Variants in GALNT17 observed in about 807,000 individuals in gnomAD.
GALNT17 encodes UDP-GalNAc:polypeptide N-acetylgalactosaminyltransferase-like 3.
A neutral mutation model predicts 63.7 loss-of-function variants in GALNT17; 29 were observed. The observed-to-expected ratio is 0.46, with a 90% CI of 0.34 to 0.62. The LOEUF (loss-of-function observed/expected upper bound fraction) is 0.62. Ranked by LOEUF, GALNT17 falls within the 20% of genes least tolerant of loss-of-function variation. The probability of loss-of-function intolerance (pLI) is 0.01; values close to 1 mark genes in which losing one functional copy is unlikely to be tolerated. For missense variants in GALNT17, 603 were observed against 799.6 expected (o/e 0.75, Z 2.97); for synonymous variants, 305 against 318.3 (o/e 0.96, Z 0.45).
intron 2 of GALNT17, among the ~76,000 whole-genome samples, chr7:71,384,498 C>T (rs994704391): frequency 6.6e-6 from 1 of 152,166 alleles, no homozygotes; most frequent in Non-Finnish European, 1.5e-5. Flanking sequence ...CCACAGTTTC[C>T]GTCCCATGTT....
intron 1 of GALNT17, among the ~76,000 whole-genome samples, chr7:71,296,629 CTATA>C (rs10565164): frequency 6.7e-6 from 1 of 148,340 alleles, no homozygotes; most frequent in African/African-American, 2.5e-5. Flanking sequence ...AAAAAAACAA[CTATA>C]TATATATATG....
intron 5 of GALNT17, among the ~76,000 whole-genome samples, chr7:71,438,462 G>T (rs1326951357): frequency 6.6e-6 from 1 of 152,074 alleles, no homozygotes; most frequent in Non-Finnish European, 1.5e-5. Flanking sequence ...GCAACACCTT[G>T]GCAGACACAC....
intron 9 of GALNT17, among the ~76,000 whole-genome samples, chr7:71,678,292 A>G (rs1253624680): frequency 1.1e-4 from 17 of 151,118 alleles, no homozygotes; most frequent in Admixed American, 4.0e-4. Context: ...GCCCCAGCTA[A>G]TTTTTGTATT....
At chr7:71,665,620 A>G in intron 7 of GALNT17, 24 bp downstream of exon 7, 1 of 1,609,082 alleles carries the variant, frequency 6.2e-7, no homozygotes. Flanking sequence ...GCCTTTCCCC[A>G]CCACCCCAGT....
At chr7:71,244,096 A>C (rs1484494139) in intron 1 of GALNT17, among the ~76,000 whole-genome samples, 1 of 152,310 alleles carries the variant, frequency 6.6e-6, no homozygotes, top group East Asian at 1.9e-4. Context: ...TTAGCAGTTA[A>C]GAAGAGAGTG....
chr7:71,619,852 A>G (rs1790266910), intron 6 of GALNT17, among the ~76,000 whole-genome samples: 1 of 152,078 alleles, frequency 6.6e-6, no homozygotes, highest in East Asian at 1.9e-4. Context: ...GAGAGTGGGT[A>G]TCCTTGTCTT....
intron 2 of GALNT17, among the ~76,000 whole-genome samples, chr7:71,370,921 T>C (rs566957305): frequency 6.6e-6 from 1 of 152,326 alleles, no homozygotes; most frequent in East Asian, 1.9e-4. Flanking sequence ...TTATGTTTCT[T>C]ATACAAGCAT....
At chr7:71,223,046 C>G (rs1789615839) in intron 1 of GALNT17, among the ~76,000 whole-genome samples, 1 of 152,158 alleles carries the variant, frequency 6.6e-6, no homozygotes, top group Admixed American at 6.5e-5. Flanking sequence ...GCACTCCAGC[C>G]TGGGCAACAG....
chr7:71,328,459 CGACTGAGCAAGGG>C (rs1393927551), intron 1 of GALNT17, among the ~76,000 whole-genome samples: 1 of 152,058 alleles, frequency 6.6e-6, no homozygotes, highest in African/African-American at 2.4e-5. Flanking sequence ...CTGCCTCTGA[CGACTGAGCAAGGG>C]GCACTTGCAG....
chr7:71,469,445 C>T (rs948400105), intron 5 of GALNT17, among the ~76,000 whole-genome samples: 1 of 152,160 alleles, frequency 6.6e-6, no homozygotes, highest in African/African-American at 2.4e-5. Context: ...ACCGGGCAAC[C>T]CCTGAACCAG....
Position 71,595,243 on chromosome 7 carries a change from A to G in GALNT17, c.1080+23841A>G, listed in dbSNP as rs1789868035. ...TCAAGACCAGCCTGGACGACAAGGC[A>G]AGACCCTGTCCATACAAAAAATAAA... On this transcript the variant is annotated intron_variant, in intron 6 of 10. Coordinates refer to ENST00000333538, the MANE Select transcript of GALNT17 (RefSeq NM_022479.3). Among the ~76,000 whole-genome samples the G allele has an allele frequency of 1.3e-5, 2 of 152,152 alleles. 1 individual carries two copies. The highest frequency in any genetic ancestry group is 1.3e-4 in the Admixed American group (2 of 15,274).
intron 5 of GALNT17, among the ~76,000 whole-genome samples, chr7:71,442,623 A>G (rs1787088403): frequency 6.6e-6 from 1 of 152,200 alleles, no homozygotes; most frequent in South Asian, 2.1e-4. Context: ...AGCTTCTGCT[A>G]CCAGGCACGC....
intron 10 of GALNT17, 42 bp from the exon 11 acceptor site, chr7:71,711,976 C>T (rs556233198): frequency 1.2e-6 from 2 of 1,604,864 alleles, no homozygotes; most frequent in East Asian, 2.2e-5. Context: ...TCTCTCTCTC[C>T]TCTCTCTCTT....
At chr7:71,509,247 A>G (rs1048194804) in intron 5 of GALNT17, among the ~76,000 whole-genome samples, 4 of 152,214 alleles carry the variant, frequency 2.6e-5, no homozygotes, top group African/African-American at 9.6e-5. Flanking sequence ...ACAGCCGGCT[A>G]ATGTAAGTGT....
chr7:71,250,638 G>A (rs867252661), intron 1 of GALNT17, among the ~76,000 whole-genome samples: 22 of 152,060 alleles, frequency 1.4e-4, no homozygotes, highest in African/African-American at 5.1e-4. Context: ...CTCGAACAAG[G>A]TTTTCACGTA....
At chr7:71,679,725 T>G (rs1791209353) in intron 9 of GALNT17, among the ~76,000 whole-genome samples, 1 of 151,994 alleles carries the variant, frequency 6.6e-6, no homozygotes, top group Middle Eastern at 3.4e-3. Context: ...TAAGGAGGCC[T>G]GCACCAAGAC....
intron 6 of GALNT17, among the ~76,000 whole-genome samples, chr7:71,641,210 T>C (rs560100459): frequency 1.3e-5 from 2 of 152,314 alleles, no homozygotes; most frequent in Admixed American, 6.5e-5. Flanking sequence ...AAAGTCTTCT[T>C]ACACTTCTTG....
rs190289053 is a variant in GALNT17, at chr7:71,472,663, G to A, written c.962+51558G>A. ...ATCGTGTCACTGCCCTCCAGCCTGG[G>A]GACAGAGTGAGACTTTGTCTCAAAA... On this transcript the variant is annotated intron_variant, in intron 5 of 10. Coordinates refer to ENST00000333538, the MANE Select transcript of GALNT17 (RefSeq NM_022479.3). Among the ~76,000 whole-genome samples the A allele has an allele frequency of 1.2e-3, 177 of 152,224 alleles. 2 individuals carry two copies. Among genetic ancestry groups the A allele is most frequent in the African/African-American group, 4.1e-3 (171 of 41,536 alleles).
intron 1 of GALNT17, among the ~76,000 whole-genome samples, chr7:71,229,585 T>C (rs965363149): frequency 1.3e-5 from 2 of 152,184 alleles, no homozygotes; most frequent in African/African-American, 4.8e-5. Context: ...TAGGGACACT[T>C]GTGATCCATT....
Sources: allele counts gnomAD v4.1 joint callset (sites outside exome capture counted in the v4.1 genomes callset), GRCh38; gene constraint gnomAD v4.1.1; transcripts MANE v1.5; gene names NCBI Gene and HGNC (gene_info 2026-07-23, HGNC 2026-07-21).